ATP7A: variants seen among roughly 807,000 people sequenced by gnomAD.
The protein encoded by ATP7A is copper-transporting ATPase 1.
Under a neutral mutation model 83.5 loss-of-function variants are expected in ATP7A, and 7 were observed. The observed-to-expected ratio is 0.08, with a 90% CI of 0.05 to 0.16. The LOEUF (loss-of-function observed/expected upper bound fraction) is 0.16, where lower values mean the gene tolerates loss of function less well. Ranked by LOEUF, ATP7A falls within the 10% of genes least tolerant of loss-of-function variation. The pLI is 1.00. For missense variants in ATP7A, 940 were observed against 1,120.8 expected (o/e 0.84, Z 2.30); for synonymous variants, 354 against 395.2 (o/e 0.90, Z 1.24).
chrX:78,004,814 C>A (rs1329407248), intron 6 of ATP7A, among the ~76,000 whole-genome samples: 1 of 111,698 alleles, frequency 9.0e-6, no homozygotes, highest in Non-Finnish European at 1.9e-5. Flanking sequence ...ACCTGGGAGG[C>A]AGAGGTTGCA....
intron 6 of ATP7A, among the ~76,000 whole-genome samples, chrX:78,004,068 A>G (rs2077757379): frequency 8.9e-6 from 1 of 112,320 alleles, no homozygotes; most frequent in Non-Finnish European, 1.9e-5. Flanking sequence ...CTGTATAGAC[A>G]TATTATAGAA....
rs1448038112 is a variant in ATP7A, at chrX:77,972,305, T to C, written c.120+544T>C. Among the ~76,000 whole-genome samples the C allele has an allele frequency of 1.8e-4, 20 of 110,303 alleles. 1 individual carries two copies. In the Admixed American group the frequency reaches 1.9e-3, roughly 11 times the overall value. On this transcript the variant is annotated intron_variant, in intron 2 of 22. Transcript: ENST00000341514. The stretch of plus-strand genomic sequence containing the variant: ...TTCCCAGGCTCAAGCAATCCTCCCA[T>C]CTCGGCCTCCCAAGTACCTAGGACC...
At chrX:77,949,631 A>G (rs1447537541) in intron 1 of ATP7A, among the ~76,000 whole-genome samples, 1 of 112,191 alleles carries the variant, frequency 8.9e-6, no homozygotes, top group Non-Finnish European at 1.9e-5. Flanking sequence ...GGTGGGAACA[A>G]GGAGTGTGCA....
chrX:77,977,739 T>C (rs1379884918), intron 2 of ATP7A, among the ~76,000 whole-genome samples: 2 of 112,307 alleles, frequency 1.8e-5, no homozygotes, highest in Admixed American at 9.5e-5. Flanking sequence ...GAAAGCACTT[T>C]GTGTTGTCAA....
rs189836575 is a variant in ATP7A at position 77,981,754 on chromosome X, A to G, written c.121-6488A>G. Among the ~76,000 whole-genome samples, 8 of 112,293 alleles carry G rather than the reference A, an allele frequency of 7.1e-5. No individual in the cohort carries two copies. In the East Asian group the frequency reaches 2.2e-3, roughly 31 times the overall value. On this transcript the variant is annotated intron_variant, in intron 2 of 22. Transcript: ENST00000341514. ...TTAGTTCATGAAAAACAATGCTACA[A>G]TGTAATAAAAACTAACAGAATGTCT...
rs782388595 is a variant in ATP7A at position 78,020,475 on chromosome X, C to G, written c.2781+77C>G. 5.3e-6 allele frequency: 6 copies of G among 1,123,798 alleles called. No homozygotes were observed. The Admixed American group carries it at 1.3e-4, about 25-fold the overall frequency. 92.6% of individuals were successfully genotyped at this position (1,123,798 alleles called of 1,213,427 possible). A position where few individuals can be genotyped will look rare whatever the true frequency, so the allele number is the denominator to read the frequency against. On this transcript the variant is annotated intron_variant, in intron 13 of 22. Coordinates refer to ENST00000341514, the MANE Select transcript of ATP7A (RefSeq NM_000052.7). ...AGTATAAATCTTCACCTAGTTTTTA[C>G]GTTTTCCAATAAAAATTTTAGTTGC...
At chrX:78,033,214 C>T (rs2077993296) in intron 16 of ATP7A, among the ~76,000 whole-genome samples, 1 of 112,056 alleles carries the variant, frequency 8.9e-6, no homozygotes, top group Non-Finnish European at 1.9e-5. Context: ...AAGTGATTCT[C>T]CTACCTCAGC....
In ATP7A at chrX:77,984,655, C is replaced by T. The variant is rs565257614; in HGVS notation, c.121-3587C>T. Among the ~76,000 whole-genome samples, 79 of 111,441 alleles carry T rather than the reference C, an allele frequency of 7.1e-4. 1 individual carries two copies. In the South Asian group the frequency reaches 0.026, roughly 37 times the overall value. ...TGCTGGGATTACAGGTGTGAGCCAC[C>T]ACGCCCAGCCAATAAGTACCATTTT... is the stretch of plus-strand genomic sequence containing the variant. On this transcript the variant is annotated intron_variant, in intron 2 of 22. Transcript: ENST00000341514.
intron 1 of ATP7A, among the ~76,000 whole-genome samples, chrX:77,951,582 CT>C (rs1281059642): frequency 1.9e-3 from 186 of 99,354 alleles, no homozygotes; most frequent in African/African-American, 2.4e-3. Flanking sequence ...AGCACAAGAC[CT>C]TTTTTTTTTT....
intron 2 of ATP7A, among the ~76,000 whole-genome samples, chrX:77,981,685 A>G (rs2077606236): frequency 9.0e-6 from 1 of 111,536 alleles, no homozygotes; most frequent in Non-Finnish European, 1.9e-5. Flanking sequence ...ATGAGAATAT[A>G]TTAGAAATGA....
intron 6 of ATP7A, among the ~76,000 whole-genome samples, 154 bp from the exon 7 acceptor site, chrX:78,008,948 G>A (rs2077797083): frequency 9.3e-6 from 1 of 107,270 alleles, no homozygotes; most frequent in South Asian, 4.3e-4. Context: ...CCTGGAAGGC[G>A]GAGGTTGCAG....
At chrX:78,012,203 G>T (rs1229225510) in intron 9 of ATP7A, among the ~76,000 whole-genome samples, 2 of 111,067 alleles carry the variant, frequency 1.8e-5, no homozygotes, top group Non-Finnish European at 3.8e-5. Context: ...TTTTACTTTG[G>T]AATAGAATAC....
intron 14 of ATP7A, 93 bp downstream of exon 14, chrX:78,021,172 A>G: frequency 1.0e-6 from 1 of 960,743 alleles, no homozygotes; most frequent in Non-Finnish European, 1.5e-6. Flanking sequence ...AATAATTACC[A>G]GGATCTTTAA....
chrX:78,010,950 A>G (rs1267980359), intron 7 of ATP7A, among the ~76,000 whole-genome samples: 6 of 111,013 alleles, frequency 5.4e-5, no homozygotes, highest in Non-Finnish European at 9.4e-5. Flanking sequence ...AAACTCTTAT[A>G]TATAGGATAC....
At chrX:77,984,859 A>C (rs1306167104) in intron 2 of ATP7A, among the ~76,000 whole-genome samples, 2 of 112,285 alleles carry the variant, frequency 1.8e-5, no homozygotes, top group Non-Finnish European at 3.8e-5. Context: ...TAAAACAGAA[A>C]TAGAATTTAC....
At chrX:77,995,416 AAATTAG>A (rs2077696640) in intron 4 of ATP7A, among the ~76,000 whole-genome samples, 1 of 108,684 alleles carries the variant, frequency 9.2e-6, no homozygotes, top group Non-Finnish European at 1.9e-5. Flanking sequence ...TATACAAAAA[AAATTAG>A]CCGGGCGTGG....
At chrX:77,956,490 C>T (rs1325642746) in intron 1 of ATP7A, among the ~76,000 whole-genome samples, 7 of 111,333 alleles carry the variant, frequency 6.3e-5, no homozygotes, top group African/African-American at 2.3e-4. Flanking sequence ...GAGGCATATC[C>T]CTCATTAATG....
At chrX:78,015,016 A>G (rs1267848680) in intron 11 of ATP7A, among the ~76,000 whole-genome samples, 1 of 112,206 alleles carries the variant, frequency 8.9e-6, no homozygotes, top group African/African-American at 3.2e-5. Context: ...TGATATAACT[A>G]TACTACCGTA....
intron 7 of ATP7A, among the ~76,000 whole-genome samples, chrX:78,010,130 C>A (rs1557234251): frequency 8.9e-6 from 1 of 112,507 alleles, no homozygotes; most frequent in Non-Finnish European, 1.9e-5. Flanking sequence ...TTTTGTGAAA[C>A]TAGTTTTACT....
Sources: allele counts gnomAD v4.1 joint callset (sites outside exome capture counted in the v4.1 genomes callset), GRCh38; gene constraint gnomAD v4.1.1; transcripts MANE v1.5; gene names NCBI Gene and HGNC (gene_info 2026-07-23, HGNC 2026-07-21).